Variants in PLGLB2 observed in about 807,000 individuals in gnomAD.
PLGLB2 encodes plasminogen-like protein B.
At chr2:87,750,260 A>G (rs1173650847) in intron 1 of PLGLB2, among the ~76,000 whole-genome samples, 2 of 152,028 alleles carry the variant, frequency 1.3e-5, no homozygotes, top group Non-Finnish European at 2.9e-5. Context: ...CTTTTTTTGA[A>G]TATCAATTGT....
At chr2:87,750,573 G>A (rs562805593) in intron 1 of PLGLB2, among the ~76,000 whole-genome samples, 32 of 151,226 alleles carry the variant, frequency 2.1e-4, no homozygotes, top group African/African-American at 6.3e-4. Context: ...TTTCCAGCCC[G>A]GAATGTCTTA....
intron 1 of PLGLB2, among the ~76,000 whole-genome samples, chr2:87,750,441 G>A (rs1168083430): frequency 6.6e-5 from 10 of 151,808 alleles, no homozygotes; most frequent in Non-Finnish European, 1.3e-4. Flanking sequence ...AAAGTGCGGG[G>A]TAAAGACATG....
At chr2:87,755,354 CCTT>C (rs1250811048) in intron 3 of PLGLB2, among the ~76,000 whole-genome samples, 10 of 90,646 alleles carry the variant, frequency 1.1e-4, no homozygotes, top group Non-Finnish European at 1.6e-4. Flanking sequence ...TGTGCCAGCT[CCTT>C]CTTATCGCCT....
rs1426270327 is a variant in PLGLB2 at position 87,751,520 on chromosome 2, G to T, written c.50-727G>T. ...CCAAAATTTATGTGTCTCAAGGAGG[G>T]ACCATTCAGAGGATGCTTCCCACCA... On this transcript the variant is annotated intron_variant, in intron 1 of 3. Coordinates refer to ENST00000359481, the MANE Select transcript of PLGLB2 (RefSeq NM_002665.4). 6 of 151,124 alleles carry T rather than the reference G, an allele frequency of 4.0e-5. No homozygotes were observed. In the South Asian group the frequency reaches 1.1e-3, roughly 27 times the overall value. 9.4% of individuals were successfully genotyped at this position (151,124 alleles called of 1,614,324 possible).
intron 1 of PLGLB2, among the ~76,000 whole-genome samples, chr2:87,748,854 G>A (rs1223647481): frequency 1.8e-5 from 2 of 109,950 alleles, no homozygotes; most frequent in Non-Finnish European, 3.7e-5. Context: ...GTGAATGTGA[G>A]TGTGAGTGTG....
At chr2:87,756,523 A>G (rs1684727066) in intron 3 of PLGLB2, 2 of 313,988 alleles carry the variant, frequency 6.4e-6, no homozygotes. Flanking sequence ...GTCTGATTCC[A>G]CTAGAATGTG....
chr2:87,758,314 GAA>G lies in PLGLB2; in HGVS notation c.*1497_*1498del, dbSNP rs1684804004. On this transcript the variant is annotated 3_prime_UTR_variant, in exon 4 of 4. Transcript: ENST00000359481. ...TTTTTTTTATTAGGACTAAAAGAGA[GAA>G]TGTGTGGAAAGATGTTAGTGGAATT... is the stretch of plus-strand genomic sequence containing the variant. 9.8e-6 allele frequency among the ~76,000 whole-genome samples: 1 copy of G among 101,560 alleles called. No homozygotes were observed. The highest frequency in any genetic ancestry group is 2.0e-5 in the Non-Finnish European group (1 of 50,810). The allele number at this position is 101,560 out of a possible 152,430, so 66.6% of individuals were successfully genotyped here.
At chr2:87,756,410 A>C (rs4522601) in intron 3 of PLGLB2, 33,211 of 148,552 alleles carry the variant, frequency 0.22, 254 homozygotes, top group East Asian at 0.37. Flanking sequence ...CCCTTTCCCC[A>C]TTCTCTTACT....
At chr2:87,750,572 C>T (rs200904730) in intron 1 of PLGLB2, among the ~76,000 whole-genome samples, 7 of 151,338 alleles carry the variant, frequency 4.6e-5, no homozygotes, top group East Asian at 2.0e-4. Context: ...TTTTCCAGCC[C>T]GGAATGTCTT....
In PLGLB2 at chr2:87,756,961, TTCA is replaced by T. The variant is rs1193560687; in HGVS notation, c.*146_*148del. On this transcript the variant is annotated 3_prime_UTR_variant, in exon 4 of 4. Transcript: ENST00000359481. Reference sequence around the variant, plus strand: ...TCAGACTTTTCCTTTCATCTTTGTGTTCATCTACTGTAAAGTGTCCGTCTGTGT... The same window carrying T: ...TCAGACTTTTCCTTTCATCTTTGTGTTCTACTGTAAAGTGTCCGTCTGTGT... 5.5e-6 allele frequency: 5 copies of T among 902,512 alleles called. No homozygotes were observed. The highest frequency in any genetic ancestry group is 1.6e-5 in the African/African-American group (1 of 63,008). 55.9% of individuals were successfully genotyped at this position (902,512 alleles called of 1,614,324 possible).
rs1309736600 is a variant in PLGLB2, at chr2:87,757,149, GT to G, written c.*336del. On this transcript the variant is annotated 3_prime_UTR_variant, in exon 4 of 4. Transcript: ENST00000359481. ...TATGTAATCGTTGTTATACTGTATTGTTTTTATTTGTATTATGTTTTATTGT... is the reference window on the plus strand; with the variant it reads ...TATGTAATCGTTGTTATACTGTATTGTTTTATTTGTATTATGTTTTATTGT... The G allele has an allele frequency of 3.9e-4, 75 of 192,494 alleles. No individual in the cohort carries two copies. Among genetic ancestry groups the G allele is most frequent in the African/African-American group, 2.1e-3 (73 of 34,840 alleles). The allele number at this position is 192,494 out of a possible 1,614,324, so 11.9% of individuals were successfully genotyped here.
At chr2:87,748,896 G>A (rs1251472847) in intron 1 of PLGLB2, among the ~76,000 whole-genome samples, 1 of 122,024 alleles carries the variant, frequency 8.2e-6, no homozygotes, top group Non-Finnish European at 1.7e-5. Flanking sequence ...TATTTAGCTC[G>A]CGGTATAGGT....
chr2:87,750,779 G>C (rs528627893), intron 1 of PLGLB2, among the ~76,000 whole-genome samples: 1 of 150,364 alleles, frequency 6.7e-6, no homozygotes, highest in Non-Finnish European at 1.5e-5. Context: ...AAACCAGTGC[G>C]CTCTGCAGTG....
chr2:87,758,308 AAGAG>A lies in PLGLB2; in HGVS notation c.*1494_*1497del, dbSNP rs1558713896. ...AAATGGTTTTTTTTATTAGGACTAA[AAGAG>A]AGAATGTGTGGAAAGATGTTAGTGG... On this transcript the variant is annotated 3_prime_UTR_variant, in exon 4 of 4. Coordinates refer to ENST00000359481, the MANE Select transcript of PLGLB2 (RefSeq NM_002665.4). Among the ~76,000 whole-genome samples the A allele has an allele frequency of 1.9e-5, 2 of 103,658 alleles. No individual in the cohort carries two copies. Among genetic ancestry groups the A allele is most frequent in the African/African-American group, 3.7e-5 (1 of 27,132 alleles). 68.0% of individuals were successfully genotyped at this position (103,658 alleles called of 152,430 possible).
At chr2:87,756,588 C>T (rs1684730010) in intron 3 of PLGLB2, 1 of 362,536 alleles carries the variant, frequency 2.8e-6, no homozygotes, top group Admixed American at 4.2e-5. Context: ...TCCCCAGCAT[C>T]CTGGTGGGGC....
intron 1 of PLGLB2, chr2:87,751,383 A>G (rs1260769056): frequency 6.8e-6 from 1 of 148,114 alleles, no homozygotes; most frequent in African/African-American, 2.4e-5. Flanking sequence ...CAGTACAAAA[A>G]TGGCCTTCTT....
intron 1 of PLGLB2, among the ~76,000 whole-genome samples, chr2:87,751,021 T>G (rs1472719507): frequency 9.9e-6 from 1 of 101,292 alleles, no homozygotes; most frequent in Non-Finnish European, 2.1e-5. Context: ...CTCTTACCCC[T>G]GTGAAAATCA....
At chr2:87,754,576 TG>T (rs1438272999) in intron 3 of PLGLB2, among the ~76,000 whole-genome samples, 2 of 108,706 alleles carry the variant, frequency 1.8e-5, no homozygotes, top group Non-Finnish European at 4.0e-5. Context: ...CTCATCTTCC[TG>T]GGTTTCATTA....
intron 1 of PLGLB2, among the ~76,000 whole-genome samples, chr2:87,750,870 C>T (rs1179950790): frequency 1.2e-4 from 16 of 135,406 alleles, no homozygotes; most frequent in Admixed American, 8.1e-4. Context: ...CTCCCGCTGC[C>T]GCCTCCACTG....
Sources: allele counts gnomAD v4.1 joint callset (sites outside exome capture counted in the v4.1 genomes callset), GRCh38; gene constraint gnomAD v4.1.1; transcripts MANE v1.5; gene names NCBI Gene and HGNC (gene_info 2026-07-23, HGNC 2026-07-21).